KMT2C: variants seen among roughly 807,000 people sequenced by gnomAD.
KMT2C encodes the protein lysine methyltransferase 2C.
KMT2C carries 88 observed loss-of-function variants against 507.9 expected under a neutral mutation model. The observed-to-expected ratio is 0.17, with a 90% CI of 0.15 to 0.21. The LOEUF is 0.21. KMT2C is among the 10% of genes least tolerant of loss of function. The pLI, the probability that KMT2C is intolerant of heterozygous loss-of-function variation, is 1.00. For missense variants in KMT2C, 4,954 were observed against 5,957.8 expected (o/e 0.83, Z 5.55); for synonymous variants, 2,049 against 2,080.8 (o/e 0.98, Z 0.42).
rs989524660 is a variant in KMT2C, at chr7:152,336,756, TA to T, written c.251-6018del. Among the ~76,000 whole-genome samples the T allele has an allele frequency of 1.6e-4, 25 of 152,332 alleles. 1 individual carries two copies. Among genetic ancestry groups the T allele is most frequent in the Admixed American group, 1.6e-3 (25 of 15,300 alleles). ...CATTTAAAAAATTACATTGCATTTT[TA>T]AAAATTCAGTGTGGTATTTTTCTTG... On this transcript the variant is annotated intron_variant, in intron 2 of 58. Transcript: ENST00000262189.
rs544470989 is a variant in KMT2C, at chr7:152,412,851, T to C, written c.161+22775A>G. ...CAAGAAATTACTTTTTTCAGATCTA[T>C]AAAATCTTACCAACTCAGAATCCTG... On this transcript the variant is annotated intron_variant, in intron 1 of 58. Transcript: ENST00000262189. Among the ~76,000 whole-genome samples, 115 of 152,366 alleles carry C rather than the reference T, an allele frequency of 7.5e-4. No homozygotes were observed. In the South Asian group the frequency reaches 0.023, roughly 31 times the overall value.
chr7:152,224,645 T>C, intron 18 of KMT2C, 29 bp from the exon 19 acceptor site: 1 of 1,034,818 alleles, frequency 9.7e-7, no homozygotes, highest in East Asian at 2.4e-5. Context: ...ATCCATGTGA[T>C]TTATGCATTA....
intron 6 of KMT2C, among the ~76,000 whole-genome samples, chr7:152,296,067 CAA>C (rs34144566): frequency 2.6e-4 from 12 of 45,430 alleles, no homozygotes; most frequent in African/African-American, 7.7e-4. Flanking sequence ...GACTCCGTCT[CAA>C]AAAAAAAAAA....
chr7:152,183,843 C>A (rs987940698), intron 34 of KMT2C, among the ~76,000 whole-genome samples: 6 of 151,910 alleles, frequency 3.9e-5, no homozygotes, highest in African/African-American at 1.5e-4. Context: ...TTGTGGTGAG[C>A]CAAGATTGCG....
At chr7:152,251,356 C>G (rs1264055101) in intron 11 of KMT2C, among the ~76,000 whole-genome samples, 3 of 152,080 alleles carry the variant, frequency 2.0e-5, no homozygotes, top group Admixed American at 6.6e-5. Context: ...TGATGGCATT[C>G]TGGAAATGAA....
rs2129124619 is a variant in KMT2C, at chr7:152,187,343, C to G, written c.4927G>C (p.Glu1643Gln). ...ACAGTTGCCATTTCACCCAGAGCCT[C>G]CTCTTTCTCCCACTTAAGCGTGCTT... is the stretch of plus-strand genomic sequence containing the variant. Reference protein sequence around the residue: ...QRSTLKWEKEEALGEMATVAP... With the variant: ...QRSTLKWEKEQALGEMATVAP... The change falls in exon 33 of 59, where the codon GAG (glutamate) becomes CAG (glutamine). Residue 1643 changes from glutamate (E) to glutamine (Q), a missense_variant. Glu to Gln is a conservative substitution (Grantham distance 29, BLOSUM62 2). This residue lies in a region of KMT2C where 195 missense variants were observed against 183.7 expected (regional missense o/e 1.06). Coordinates refer to ENST00000262189, the MANE Select transcript of KMT2C (RefSeq NM_170606.3). 1 of 1,614,134 alleles carries G rather than the reference C, an allele frequency of 6.2e-7. No individual in the cohort carries two copies. Among genetic ancestry groups the G allele is most frequent in the Non-Finnish European group, 8.5e-7 (1 of 1,180,012 alleles).
chr7:152,377,213 A>C (rs551220330), intron 1 of KMT2C, among the ~76,000 whole-genome samples: 1 of 150,932 alleles, frequency 6.6e-6, no homozygotes, highest in Non-Finnish European at 1.5e-5. Flanking sequence ...ACATCTGTTT[A>C]GAGGTTGGCT....
intron 10 of KMT2C, 60 bp from the exon 11 acceptor site, chr7:152,252,150 G>C (rs562438391): frequency 6.1e-5 from 76 of 1,237,358 alleles, no homozygotes; most frequent in Admixed American, 1.6e-4. Flanking sequence ...TCTAGGTAAA[G>C]AGAAGGCATT....
chr7:152,379,782 C>G (rs528654157), intron 1 of KMT2C, among the ~76,000 whole-genome samples: 22 of 141,290 alleles, frequency 1.6e-4, no homozygotes, highest in African/African-American at 4.7e-4. Flanking sequence ...GTATAAAAGA[C>G]AGAGAGAGAG....
rs539165484 is a variant in KMT2C, at chr7:152,179,657, G to T, written c.7442+177C>A. ...AAAAATTTTTAAATTTGTTGAAGAG[G>T]TTGGGGGGGGGGGGGGGTGGTCTCA... On this transcript the variant is annotated intron_variant, in intron 37 of 58. Coordinates refer to ENST00000262189, the MANE Select transcript of KMT2C (RefSeq NM_170606.3). 2.6e-4 allele frequency among the ~76,000 whole-genome samples: 14 copies of T among 53,574 alleles called. No individual in the cohort carries two copies. In the East Asian group the frequency reaches 6.9e-3, roughly 26 times the overall value. 35.1% of individuals were successfully genotyped at this position (53,574 alleles called of 152,430 possible).
chr7:152,384,815 C>T (rs1010132484), intron 1 of KMT2C, among the ~76,000 whole-genome samples: 1 of 152,308 alleles, frequency 6.6e-6, no homozygotes, highest in African/African-American at 2.4e-5. Context: ...TTTATTCTGC[C>T]TTTCCCATAT....
At chr7:152,201,702 A>C (rs1243213998) in intron 26 of KMT2C, among the ~76,000 whole-genome samples, 1 of 152,010 alleles carries the variant, frequency 6.6e-6, no homozygotes, top group Admixed American at 6.6e-5. Context: ...CGTTTAAAAA[A>C]AAACAAAGGT....
At chr7:152,150,455 A>G (rs1009390289) in intron 51 of KMT2C, among the ~76,000 whole-genome samples, 1 of 151,952 alleles carries the variant, frequency 6.6e-6, no homozygotes, top group African/African-American at 2.4e-5. Context: ...CATCTCTACT[A>G]AACTACAAAA....
intron 1 of KMT2C, among the ~76,000 whole-genome samples, chr7:152,375,392 CT>C (rs538387777): frequency 4.5e-4 from 66 of 145,738 alleles, no homozygotes; most frequent in South Asian, 8.8e-4. Flanking sequence ...CTGAACAAGT[CT>C]TTTTTTTTTT....
chr7:152,247,477 TG>T (rs1357274728), intron 14 of KMT2C, among the ~76,000 whole-genome samples: 2 of 152,292 alleles, frequency 1.3e-5, no homozygotes, highest in African/African-American at 4.8e-5. Context: ...TCATAAATGT[TG>T]ATGTTTATCC....
intron 6 of KMT2C, among the ~76,000 whole-genome samples, chr7:152,277,966 T>C (rs2096116622): frequency 6.6e-6 from 1 of 152,108 alleles, no homozygotes; most frequent in Admixed American, 6.5e-5. Context: ...ACAGACTTCA[T>C]TTATGTATGT....
intron 1 of KMT2C, among the ~76,000 whole-genome samples, chr7:152,428,404 G>A (rs1294513496): frequency 6.7e-6 from 1 of 149,200 alleles, no homozygotes; most frequent in East Asian, 2.0e-4. Flanking sequence ...CCTGAGGTCA[G>A]GAGTTCGAGA....
intron 16 of KMT2C, among the ~76,000 whole-genome samples, chr7:152,234,882 CAGAAAAAAAA>C: frequency 6.6e-6 from 1 of 150,656 alleles, no homozygotes; most frequent in South Asian, 2.1e-4. Flanking sequence ...TAACCTGTCT[CAGAAAAAAAA>C]AGAAGAAAAA....
At position 152,162,615 on chromosome 7, in the gene KMT2C, T is replaced by C. The variant is rs1563199819; in HGVS notation, c.10962A>G (p.Gln3654=). ...PAVSTPSELP[Q]QADQESVEPV... is the part of the protein sequence containing the mutation. ...GTTCCACCGACTCTTGGTCGGCTTG[T>C]TGAGGAAGCTCACTGGGTGTGCTCA... is the stretch of plus-strand genomic sequence containing the variant. The change falls in exon 43 of 59, where the codon CAA becomes CAG. Residue 3654 remains glutamine, a synonymous_variant. Coordinates refer to ENST00000262189, the MANE Select transcript of KMT2C (RefSeq NM_170606.3). 2 of 1,614,246 alleles carry C rather than the reference T, an allele frequency of 1.2e-6. No homozygotes were observed. Among genetic ancestry groups the C allele is most frequent in the Non-Finnish European group, 8.5e-7 (1 of 1,180,042 alleles).
Sources: allele counts gnomAD v4.1 joint callset (sites outside exome capture counted in the v4.1 genomes callset), GRCh38; gene constraint gnomAD v4.1.1; regional missense constraint gnomAD v4.1.1; transcripts MANE v1.5; gene names NCBI Gene and HGNC (gene_info 2026-07-23, HGNC 2026-07-21).